UBE2E2: variants seen among roughly 807,000 people sequenced by gnomAD.
The protein encoded by UBE2E2 is ubiquitin conjugating enzyme E2 E2.
Under a neutral mutation model 24.7 loss-of-function variants are expected in UBE2E2, and 6 were observed. The observed-to-expected ratio is 0.24, with a 90% CI of 0.13 to 0.48. UBE2E2 has a LOEUF of 0.48. Among genes scored for constraint, UBE2E2 ranks in the 20% least tolerant of loss-of-function variants. The pLI is 0.99. For missense variants in UBE2E2, 169 were observed against 245.0 expected, an observed-to-expected ratio of 0.69 and a Z score of 2.07; for synonymous variants, 104 against 83.6, an observed-to-expected ratio of 1.24 and a Z score of -1.33.
chr3:23,540,317 T>G (rs1695361584), intron 5 of UBE2E2, among the ~76,000 whole-genome samples: 1 of 152,182 alleles, frequency 6.6e-6, no homozygotes, highest in African/African-American at 2.4e-5. Flanking sequence ...GTGGTGAACT[T>G]AAGGGTATGT....
At chr3:23,441,970 T>C (rs1206580164) in intron 3 of UBE2E2, among the ~76,000 whole-genome samples, 5 of 152,204 alleles carry the variant, frequency 3.3e-5, no homozygotes, top group Admixed American at 6.5e-5. Context: ...TGCTTTGTGA[T>C]TTAAATTGAA....
At chr3:23,551,806 AG>A (rs1362106290) in intron 5 of UBE2E2, among the ~76,000 whole-genome samples, 1 of 152,226 alleles carries the variant, frequency 6.6e-6, no homozygotes, top group Non-Finnish European at 1.5e-5. Flanking sequence ...GCCTCGTATA[AG>A]GGTGTGTGCT....
intron 3 of UBE2E2, among the ~76,000 whole-genome samples, chr3:23,497,853 A>G (rs1198200119): frequency 1.3e-5 from 2 of 152,094 alleles, no homozygotes; most frequent in East Asian, 3.9e-4. Context: ...TGTATATTCA[A>G]CTTAACTAGA....
chr3:23,561,014 AGGTT>A (rs1344525316), intron 5 of UBE2E2, among the ~76,000 whole-genome samples: 1 of 152,148 alleles, frequency 6.6e-6, no homozygotes, highest in African/African-American at 2.4e-5. Context: ...CCCATTGTGT[AGGTT>A]GCCTGTTCAC....
rs1222851197 is a variant in UBE2E2 at position 23,590,899 on chromosome 3, T to G, written c.*1068T>G. 6.6e-6 allele frequency: 1 copy of G among 152,248 alleles called. No homozygotes were observed. The highest frequency in any genetic ancestry group is 2.4e-5 in the African/African-American group (1 of 41,470). 9.4% of individuals were successfully genotyped at this position (152,248 alleles called of 1,614,324 possible). On this transcript the variant is annotated 3_prime_UTR_variant, in exon 6 of 6. Coordinates refer to ENST00000396703, the MANE Select transcript of UBE2E2 (RefSeq NM_152653.4). ...AAAGTGAAGTCTGAGCTAATCATTG[T>G]GTTCAGCCACTTTCAACTTTATTTC...
intron 3 of UBE2E2, among the ~76,000 whole-genome samples, chr3:23,451,249 T>C (rs917785632): frequency 3.3e-5 from 5 of 152,166 alleles, no homozygotes; most frequent in African/African-American, 1.2e-4. Context: ...TTTTGAAAAA[T>C]TGCTCATGTC....
At chr3:23,462,879 CTG>C (rs1347954846) in intron 3 of UBE2E2, among the ~76,000 whole-genome samples, 1 of 152,102 alleles carries the variant, frequency 6.6e-6, no homozygotes, top group Non-Finnish European at 1.5e-5. Flanking sequence ...GTTAACCACT[CTG>C]TGCCTTAGTT....
intron 3 of UBE2E2, among the ~76,000 whole-genome samples, chr3:23,236,520 C>T (rs893420174): frequency 6.7e-6 from 1 of 148,886 alleles, no homozygotes; most frequent in African/African-American, 2.5e-5. Flanking sequence ...CTGAACATAG[C>T]TGTTCAGTGT....
At chr3:23,577,738 T>G (rs148897721) in intron 5 of UBE2E2, among the ~76,000 whole-genome samples, 148 of 152,366 alleles carry the variant, frequency 9.7e-4, no homozygotes, top group African/African-American at 3.4e-3. Flanking sequence ...GATACCAATC[T>G]AGGACATTTA....
At chr3:23,561,623 C>A (rs982060518) in intron 5 of UBE2E2, among the ~76,000 whole-genome samples, 40 of 151,322 alleles carry the variant, frequency 2.6e-4, no homozygotes, top group Non-Finnish European at 4.4e-4. Flanking sequence ...TCATTGGTAG[C>A]TTGATGGGGA....
intron 3 of UBE2E2, among the ~76,000 whole-genome samples, chr3:23,307,468 G>A (rs1056636753): frequency 1.3e-5 from 2 of 152,006 alleles, no homozygotes; most frequent in African/African-American, 4.8e-5. Flanking sequence ...TATTTATGAC[G>A]TTTTACAAAT....
chr3:23,250,729 A>G (rs1559456266), intron 3 of UBE2E2, among the ~76,000 whole-genome samples: 1 of 152,188 alleles, frequency 6.6e-6, no homozygotes, highest in East Asian at 1.9e-4. Context: ...ATTAAGAATT[A>G]TATATTCTGT....
chr3:23,485,210 C>T (rs1347912283), intron 3 of UBE2E2, among the ~76,000 whole-genome samples: 3 of 149,872 alleles, frequency 2.0e-5, no homozygotes, highest in African/African-American at 4.9e-5. Flanking sequence ...CCCAAGTAAT[C>T]TCAGCCTCCC....
chr3:23,442,440 A>T (rs1020047774), intron 3 of UBE2E2, among the ~76,000 whole-genome samples: 1 of 152,076 alleles, frequency 6.6e-6, no homozygotes, highest in Non-Finnish European at 1.5e-5. Flanking sequence ...AAGTATTAAG[A>T]TCTGTCTTCT....
intron 3 of UBE2E2, among the ~76,000 whole-genome samples, chr3:23,352,112 A>G (rs1014711767): frequency 6.6e-6 from 1 of 152,216 alleles, no homozygotes; most frequent in African/African-American, 2.4e-5. Context: ...TGGAAACTGA[A>G]CATCCTGCTC....
chr3:23,442,691 A>G lies in UBE2E2; in HGVS notation c.228-56917A>G, dbSNP rs1255458470. ...AATCCAAAAGAAATTTTCAAAAGGT[A>G]GAATTTTGTAAGTGAATAACTTAGC... On this transcript the variant is annotated intron_variant, in intron 3 of 5. Coordinates refer to ENST00000396703, the MANE Select transcript of UBE2E2 (RefSeq NM_152653.4). Among the ~76,000 whole-genome samples the G allele has an allele frequency of 5.3e-5, 8 of 152,218 alleles. 1 individual carries two copies. The highest frequency in any genetic ancestry group is 1.0e-4 in the Non-Finnish European group (7 of 68,040).
intron 3 of UBE2E2, among the ~76,000 whole-genome samples, chr3:23,463,839 G>A (rs539429368): frequency 1.3e-5 from 2 of 152,220 alleles, no homozygotes; most frequent in Admixed American, 1.3e-4. Flanking sequence ...GTCATTTACT[G>A]TAATATAGCA....
rs543349187 is a variant in UBE2E2 at position 23,238,985 on chromosome 3, C to G, written c.227+21673C>G. 5.9e-5 allele frequency among the ~76,000 whole-genome samples: 9 copies of G among 152,254 alleles called. No homozygotes were observed. The South Asian group carries it at 1.9e-3, about 32-fold the overall frequency. Reference sequence around the variant, plus strand: ...GTTTTCTATAAGATGGAAAATTTATCCAGTCATGCCTTTTTGGAACATGCG... The same window carrying G: ...GTTTTCTATAAGATGGAAAATTTATGCAGTCATGCCTTTTTGGAACATGCG... On this transcript the variant is annotated intron_variant, in intron 3 of 5. Transcript: ENST00000396703.
chr3:23,435,700 C>T (rs1698161925), intron 3 of UBE2E2, among the ~76,000 whole-genome samples: 1 of 152,176 alleles, frequency 6.6e-6, no homozygotes, highest in South Asian at 2.1e-4. Flanking sequence ...TTGAATAATT[C>T]CTCAAGCTGA....
Sources: allele counts gnomAD v4.1 joint callset (sites outside exome capture counted in the v4.1 genomes callset), GRCh38; gene constraint gnomAD v4.1.1; transcripts MANE v1.5; gene names NCBI Gene and HGNC (gene_info 2026-07-23, HGNC 2026-07-21).